EFCAB7: variants seen among roughly 807,000 people sequenced by gnomAD.
EFCAB7 encodes the protein EF-hand calcium binding domain 7, also known as EF-hand calcium-binding domain-containing protein 7.
Under a neutral mutation model 77.1 loss-of-function variants are expected in EFCAB7, and 66 were observed. The ratio of observed to expected loss-of-function variants is 0.86; its 90% confidence interval spans 0.70 to 1.05. The LOEUF (loss-of-function observed/expected upper bound fraction) is 1.05. Among genes scored for constraint, EFCAB7 ranks in the 50% least tolerant of loss-of-function variants. EFCAB7 has a pLI of 0.00. For missense variants in EFCAB7, 638 were observed against 730.5 expected (o/e 0.87, Z 1.46); for synonymous variants, 225 against 243.3 (o/e 0.92, Z 0.70).
At chr1:63,554,570 C>T (rs1393448959) in intron 8 of EFCAB7, among the ~76,000 whole-genome samples, 2 of 152,204 alleles carry the variant, frequency 1.3e-5, no homozygotes, top group Non-Finnish European at 2.9e-5. Context: ...AAACTCCTGA[C>T]ATCAAATGAT....
In EFCAB7 at chr1:63,533,647, A is replaced by G. The variant is rs753850674; in HGVS notation, c.680A>G (p.Lys227Arg). ...ACTGATCCAGAAACATTCTTAAATA[A>G]AGGTATTTACTTTTAACACTAAGAA... ...RKTDPETFLN[K>R]GDTRSSLLSA... The change falls in exon 5 of 14, where the codon AAA (lysine) becomes AGA (arginine). Residue 227 changes from lysine to arginine, a missense_variant and splice_region_variant. Physicochemically the swap from Lys to Arg is conservative, Grantham distance 26. Coordinates refer to ENST00000371088, the MANE Select transcript of EFCAB7 (RefSeq NM_032437.4). 4 of 1,566,362 alleles carry G rather than the reference A, an allele frequency of 2.6e-6. No individual in the cohort carries two copies. In the South Asian group the frequency reaches 4.8e-5, roughly 19 times the overall value.
Position 63,561,776 on chromosome 1 carries a change from T to C in EFCAB7, c.1416T>C (p.Ala472=). The C allele has an allele frequency of 1.7e-5, 28 of 1,610,526 alleles. No individual in the cohort carries two copies. Among genetic ancestry groups the C allele is most frequent in the Non-Finnish European group, 2.4e-5 (28 of 1,177,496 alleles). The change falls in exon 11 of 14, where the codon GCT becomes GCC. Residue 472 remains alanine (A), a synonymous_variant. Transcript: ENST00000371088. ...TTATGGATTTGAATCTAATGGAAGC[T>C]AATGATCGAGAAGGAGATCCTTGTG... ...QGFMDLNLME[A]NDREGDPCDL...
At position 63,546,045 on chromosome 1, in the gene EFCAB7, A is replaced by G; in HGVS notation, c.934A>G (p.Ser312Gly). 4 of 1,606,332 alleles carry G rather than the reference A, an allele frequency of 2.5e-6. No homozygotes were observed. Among genetic ancestry groups the G allele is most frequent in the Non-Finnish European group, 3.4e-6 (4 of 1,178,370 alleles). The part of the protein sequence containing the change: ...VYLTIKPLNL[S>G]QVEGKPSPWL... Reference sequence around the variant, plus strand: ...TCTAACAATTAAGCCATTAAACCTGAGTCAAGTTGAAGGCAAGTTTAAGTT... The same window carrying G: ...TCTAACAATTAAGCCATTAAACCTGGGTCAAGTTGAAGGCAAGTTTAAGTT... Residue 312 changes from serine (S) to glycine (G), a missense_variant, in exon 7 of 14, where the codon AGT (serine) becomes GGT (glycine). Ser to Gly is a moderately conservative substitution (Grantham distance 56, BLOSUM62 0). Transcript: ENST00000371088.
chr1:63,555,178 C>T, intron 8 of EFCAB7, 180 bp from the exon 9 acceptor site: 6 of 563,570 alleles, frequency 1.1e-5, no homozygotes, highest in South Asian at 7.8e-5. Flanking sequence ...AATGGGATTA[C>T]CATTAACAAA....
At chr1:63,558,909 G>A (rs1437610248) in intron 10 of EFCAB7, among the ~76,000 whole-genome samples, 1 of 151,766 alleles carries the variant, frequency 6.6e-6, no homozygotes, top group Admixed American at 6.6e-5. Context: ...CAGGCTGGGT[G>A]CTGTGGCTCA....
chr1:63,561,504 C>T (rs921453382), intron 10 of EFCAB7, among the ~76,000 whole-genome samples: 2 of 152,040 alleles, frequency 1.3e-5, no homozygotes, highest in African/African-American at 2.4e-5. Context: ...TTGTGTACTA[C>T]GATATATCTA....
rs753616062 is a variant in EFCAB7, at chr1:63,545,930, G to A, written c.819G>A (p.Met273Ile). Reference sequence around the variant, plus strand: ...CTTCATTTCAGGACTGGCAACACATGCAATCAAAAGGTTGCTTCTTCTTAG... The same window carrying A: ...CTTCATTTCAGGACTGGCAACACATACAATCAAAAGGTTGCTTCTTCTTAG... Reference protein sequence around the residue: ...EPNLIKDWQHMQSKGCFFLEE... With the variant: ...EPNLIKDWQHIQSKGCFFLEE... The change falls in exon 7 of 14, where the codon ATG (methionine) becomes ATA (isoleucine). Residue 273 changes from methionine (M) to isoleucine (I), a missense_variant. Physicochemically the swap from Met to Ile is conservative, Grantham distance 10. Transcript: ENST00000371088. 6.2e-7 allele frequency: 1 copy of A among 1,613,196 alleles called. No individual in the cohort carries two copies. The highest frequency in any genetic ancestry group is 1.1e-5 in the South Asian group (1 of 90,930).
rs376829489 is a variant in EFCAB7 at position 63,571,116 on chromosome 1, C to T, written c.1803C>T (p.Pro601=). ...ACATATTTGCAGTAGAAGTGGGACC[C>T]AAATCTACAATGGTAATGTATTATT... The part of the protein sequence containing the change: ...GLNIFAVEVG[P]KSTMVCQHVM... Residue 601 remains proline, a synonymous_variant, in exon 13 of 14, where the codon CCC becomes CCT. Transcript: ENST00000371088. 6.2e-7 allele frequency: 1 copy of T among 1,603,562 alleles called. No homozygotes were observed. Among genetic ancestry groups the T allele is most frequent in the Non-Finnish European group, 8.5e-7 (1 of 1,174,228 alleles).
chr1:63,560,350 G>A (rs543993056), intron 10 of EFCAB7, among the ~76,000 whole-genome samples: 1 of 151,892 alleles, frequency 6.6e-6, no homozygotes, highest in African/African-American at 2.4e-5. Context: ...ATCTAGATAG[G>A]TTTCTTAATG....
At position 63,531,013 on chromosome 1, in the gene EFCAB7, A is replaced by G. The variant is rs1037795124; in HGVS notation, c.188-807A>G. Among the ~76,000 whole-genome samples the G allele has an allele frequency of 2.0e-5, 3 of 152,128 alleles. No individual in the cohort carries two copies. The East Asian group carries it at 5.8e-4, about 29-fold the overall frequency. ...CTTTTCTTTGTGGTGAGACCATTCA[A>G]AAGCCTCTCTTCTAGCTGTTTTGTA... On this transcript the variant is annotated intron_variant, in intron 2 of 13. Coordinates refer to ENST00000371088, the MANE Select transcript of EFCAB7 (RefSeq NM_032437.4).
chr1:63,567,403 A>C (rs529600676), intron 11 of EFCAB7, among the ~76,000 whole-genome samples: 233 of 152,178 alleles, frequency 1.5e-3, no homozygotes, highest in Middle Eastern at 3.4e-3. Context: ...CAGTGAACTG[A>C]GATCACCCAA....
intron 6 of EFCAB7, among the ~76,000 whole-genome samples, chr1:63,542,815 T>C (rs566496576): frequency 4.5e-4 from 68 of 152,316 alleles, no homozygotes; most frequent in African/African-American, 1.6e-3. Context: ...GTGGTTTGTT[T>C]TGTTGTTGAA....
intron 6 of EFCAB7, among the ~76,000 whole-genome samples, chr1:63,542,419 A>G (rs1646839600): frequency 6.6e-6 from 1 of 152,196 alleles, no homozygotes; most frequent in Admixed American, 6.5e-5. Context: ...GAACATTGGC[A>G]TACATACCTG....
At chr1:63,533,279 C>T (rs542092462) in intron 4 of EFCAB7, among the ~76,000 whole-genome samples, 175 bp from the exon 5 acceptor site, 2 of 152,218 alleles carry the variant, frequency 1.3e-5, no homozygotes, top group African/African-American at 4.8e-5. Flanking sequence ...GGCTACATTT[C>T]ACTAGGTCAC....
rs1445170796 is a variant in EFCAB7, at chr1:63,568,608, TTAAG to T, written c.1707+92_1707+95del. 13 of 979,100 alleles carry T rather than the reference TTAAG, an allele frequency of 1.3e-5. No individual in the cohort carries two copies. In the Admixed American group the frequency reaches 3.6e-4, roughly 27 times the overall value. 60.7% of individuals were successfully genotyped at this position (979,100 alleles called of 1,614,324 possible). A position where few individuals can be genotyped will look rare whatever the true frequency, so the allele number is the denominator to read the frequency against. On this transcript the variant is annotated intron_variant, in intron 12 of 13. Transcript: ENST00000371088. ...TCCTTACTCTATTCGTATGTGGTAATTAAGTATCCCATCACATTAATAATGTTTA... is the reference window on the plus strand; with the variant it reads ...TCCTTACTCTATTCGTATGTGGTAATTATCCCATCACATTAATAATGTTTA...
intron 12 of EFCAB7, 27 bp downstream of exon 12, chr1:63,568,546 AT>A (rs1414751542): frequency 6.4e-7 from 1 of 1,560,740 alleles, no homozygotes; most frequent in Non-Finnish European, 8.8e-7. Context: ...GGTTTTCCTC[AT>A]TTTGCTACAA....
rs147497398 is a variant in EFCAB7, at chr1:63,568,501, G to A, written c.1689G>A (p.Thr563=). 5 of 1,600,766 alleles carry A rather than the reference G, an allele frequency of 3.1e-6. No homozygotes were observed. Among genetic ancestry groups the A allele is most frequent in the African/African-American group, 2.7e-5 (2 of 74,080 alleles). Residue 563 remains threonine, a synonymous_variant, in exon 12 of 14, where the codon ACG becomes ACA. Transcript: ENST00000371088. ...CTTACAGTTGTGACACCTGGATAAC[G>A]TCAGTTATTGAAAACAAGGTATCAA... is the stretch of plus-strand genomic sequence containing the variant. ...VHTYSCDTWI[T]SVIENKSDEK... is the part of the protein sequence containing the mutation.
chr1:63,573,333 T>C (rs112271514), downstream of EFCAB7, among the ~76,000 whole-genome samples: 8,704 of 152,156 alleles, frequency 0.057, 825 homozygotes, highest in African/African-American at 0.2. Flanking sequence ...ATTTGTCTTA[T>C]AGAATTATTG....
chr1:63,562,442 AATTTATTT>A (rs749376317), intron 11 of EFCAB7, among the ~76,000 whole-genome samples: 2 of 43,948 alleles, frequency 4.6e-5, no homozygotes, highest in African/African-American at 1.6e-4. Flanking sequence ...AGGCCTTCTT[AATTTATTT>A]ATATATATAT....
Sources: gnomAD v4.1 joint callset for allele counts (sites outside exome capture counted in the v4.1 genomes callset) on GRCh38, gnomAD v4.1.1 for gene constraint, MANE v1.5 for transcripts, NCBI Gene and HGNC (gene_info 2026-07-23, HGNC 2026-07-21) for gene names.